ADARB2: variants seen among roughly 807,000 people sequenced by gnomAD.
ADARB2 encodes inactive double-stranded RNA-specific editase B2.
A neutral mutation model predicts 62.2 loss-of-function variants in ADARB2; 25 were observed. The observed-to-expected ratio is 0.40, with a 90% confidence interval of 0.29 to 0.56. The LOEUF (loss-of-function observed/expected upper bound fraction) is 0.56. Among genes scored for constraint, ADARB2 ranks in the 20% least tolerant of loss-of-function variants. The pLI is 0.43. For missense variants in ADARB2, 1,071 were observed against 1,077.4 expected (o/e 0.99, Z 0.08); for synonymous variants, 572 against 500.8 (o/e 1.14, Z -1.90).
rs1835315428 is a variant in ADARB2, at chr10:1,737,354, G to A, written c.-204C>T. 4 of 564,944 alleles carry A rather than the reference G, an allele frequency of 7.1e-6. No individual in the cohort carries two copies. Among genetic ancestry groups the A allele is most frequent in the Non-Finnish European group, 9.3e-6 (3 of 321,330 alleles). 35.0% of individuals were successfully genotyped at this position (564,944 alleles called of 1,614,324 possible). On this transcript the variant is annotated 5_prime_UTR_variant, in exon 1 of 10. Transcript: ENST00000381312. ...TATGACTTGCTCCCACTGGGCTGGGGGCCTCGGCTGGGCGCCTGGAGCGAG... is the reference window on the plus strand; with the variant it reads ...TATGACTTGCTCCCACTGGGCTGGGAGCCTCGGCTGGGCGCCTGGAGCGAG...
chr10:1,259,067 T>C (rs1478913538), intron 4 of ADARB2, among the ~76,000 whole-genome samples: 1 of 152,076 alleles, frequency 6.6e-6, no homozygotes, highest in Non-Finnish European at 1.5e-5. Flanking sequence ...AATAACGAAA[T>C]GAAGGCAGAA....
At chr10:1,689,481 C>A (rs553622965) in intron 1 of ADARB2, among the ~76,000 whole-genome samples, 2 of 152,264 alleles carry the variant, frequency 1.3e-5, no homozygotes, top group East Asian at 3.9e-4. Flanking sequence ...TCTGTGTGTC[C>A]CTCTCTGGGG....
intron 3 of ADARB2, among the ~76,000 whole-genome samples, chr10:1,312,232 C>G (rs757131761): frequency 7.3e-4 from 111 of 152,136 alleles, no homozygotes; most frequent in Non-Finnish European, 1.4e-3. Flanking sequence ...CTGGCCTGCA[C>G]CAGAGATGCA....
intron 1 of ADARB2, among the ~76,000 whole-genome samples, chr10:1,543,724 T>C (rs182682196): frequency 3.9e-5 from 6 of 152,328 alleles, no homozygotes; most frequent in Admixed American, 3.3e-4. Context: ...GGTGGAATTA[T>C]CTGTGCCTGT....
rs1353175939 is a variant in ADARB2 at position 1,187,712 on chromosome 10, A to C, written c.1865-2673T>G. On this transcript the variant is annotated intron_variant, in intron 8 of 9. Coordinates refer to ENST00000381312, the MANE Select transcript of ADARB2 (RefSeq NM_018702.4). ...AAACACCACCGGGAAGGCAGCTGTG[A>C]GGACGTGGGTGTGAACCCAGCACGT... 5 of 174,546 alleles carry C rather than the reference A, an allele frequency of 2.9e-5. No homozygotes were observed. In the East Asian group the frequency reaches 8.2e-4, roughly 29 times the overall value. 10.8% of individuals were successfully genotyped at this position (174,546 alleles called of 1,614,324 possible).
chr10:1,664,523 C>A (rs1264983808), intron 1 of ADARB2, among the ~76,000 whole-genome samples: 2 of 152,146 alleles, frequency 1.3e-5, no homozygotes, highest in African/African-American at 4.8e-5. Context: ...GCTTCACGGT[C>A]CAGAGAAATG....
At chr10:1,390,993 T>G (rs1295254065) in intron 1 of ADARB2, among the ~76,000 whole-genome samples, 1 of 152,198 alleles carries the variant, frequency 6.6e-6, no homozygotes, top group African/African-American at 2.4e-5. Flanking sequence ...CAACACCTGC[T>G]TTTTGGCTCA....
intron 3 of ADARB2, among the ~76,000 whole-genome samples, chr10:1,324,284 C>CA (rs1187396194): frequency 6.6e-6 from 1 of 152,228 alleles, no homozygotes; most frequent in Non-Finnish European, 1.5e-5. Context: ...GTGGGTCCCT[C>CA]ATGCCTTGTC....
At chr10:1,404,999 A>G (rs1370479111) in intron 1 of ADARB2, among the ~76,000 whole-genome samples, 3 of 152,162 alleles carry the variant, frequency 2.0e-5, no homozygotes, top group Non-Finnish European at 2.9e-5. Context: ...GATGCCTCCT[A>G]CATACAATTC....
intron 1 of ADARB2, among the ~76,000 whole-genome samples, chr10:1,582,561 G>T (rs938696): frequency 6.6e-6 from 1 of 152,068 alleles, no homozygotes; most frequent in Non-Finnish European, 1.5e-5. Context: ...GCTACAGAAC[G>T]ATGACCACTT....
intron 1 of ADARB2, among the ~76,000 whole-genome samples, chr10:1,418,689 C>G (rs570672666): frequency 6.6e-6 from 1 of 152,278 alleles, no homozygotes; most frequent in African/African-American, 2.4e-5. Flanking sequence ...TGTGACTATC[C>G]AGACTATTTC....
chr10:1,253,291 C>G (rs562848737), intron 4 of ADARB2, among the ~76,000 whole-genome samples: 106 of 152,246 alleles, frequency 7.0e-4, no homozygotes, highest in African/African-American at 2.4e-3. Flanking sequence ...TAGAATAACA[C>G]ACAAAAAACC....
At chr10:1,263,318 A>G (rs1831162223) in intron 4 of ADARB2, among the ~76,000 whole-genome samples, 1 of 152,216 alleles carries the variant, frequency 6.6e-6, no homozygotes, top group Non-Finnish European at 1.5e-5. Context: ...CTTGTTGAAT[A>G]ATAGGAGAAT....
chr10:1,470,600 T>G (rs1400015501), intron 1 of ADARB2, among the ~76,000 whole-genome samples: 1 of 152,256 alleles, frequency 6.6e-6, no homozygotes, highest in Non-Finnish European at 1.5e-5. Flanking sequence ...ATGCATAATT[T>G]CAGTCTTTAT....
chr10:1,705,212 G>C (rs894452294), intron 1 of ADARB2, among the ~76,000 whole-genome samples: 13 of 152,172 alleles, frequency 8.5e-5, no homozygotes, highest in African/African-American at 3.1e-4. Context: ...TTGACACTTT[G>C]AGGACACAGG....
At chr10:1,479,928 C>T (rs192103726) in intron 1 of ADARB2, among the ~76,000 whole-genome samples, 8 of 152,216 alleles carry the variant, frequency 5.3e-5, no homozygotes, top group Non-Finnish European at 7.4e-5. Flanking sequence ...ACTCCATAGA[C>T]GTGCTTTACT....
chr10:1,494,975 CT>C (rs1007388448), intron 1 of ADARB2, among the ~76,000 whole-genome samples: 129 of 152,260 alleles, frequency 8.5e-4, no homozygotes, highest in African/African-American at 3.0e-3. Flanking sequence ...TCTAGGTTTT[CT>C]CTTTTTTTCT....
intron 1 of ADARB2, among the ~76,000 whole-genome samples, chr10:1,568,170 G>A (rs1832882096): frequency 6.6e-6 from 1 of 152,238 alleles, no homozygotes; most frequent in South Asian, 2.1e-4. Context: ...CGCCACTGGG[G>A]AACCCTTGAC....
At chr10:1,443,350 G>C (rs2131896698) in intron 1 of ADARB2, among the ~76,000 whole-genome samples, 1 of 152,170 alleles carries the variant, frequency 6.6e-6, no homozygotes, top group South Asian at 2.1e-4. Context: ...AAAACTAACT[G>C]TCTTCAGTTT....
Sources: allele counts gnomAD v4.1 joint callset (sites outside exome capture counted in the v4.1 genomes callset), GRCh38; gene constraint gnomAD v4.1.1; transcripts MANE v1.5; gene names NCBI Gene and HGNC (gene_info 2026-07-23, HGNC 2026-07-21).